ANKEF1: variants seen among roughly 807,000 people sequenced by gnomAD.
The protein encoded by ANKEF1 is ankyrin repeat and EF-hand domain-containing protein 1.
In ANKEF1, 43 loss-of-function variants were observed where a neutral mutation model predicts 65.1. The observed-to-expected ratio is 0.66, with a 90% CI of 0.52 to 0.85. ANKEF1 has a LOEUF of 0.85. Ranked by LOEUF, ANKEF1 falls within the 40% of genes least tolerant of loss-of-function variation. ANKEF1 has a pLI of 0.00. For missense variants in ANKEF1, 934 were observed against 952.9 expected (o/e 0.98, Z 0.26); for synonymous variants, 316 against 341.5 (o/e 0.93, Z 0.82).
Position 10,054,566 on chromosome 20 carries a change from T to C in ANKEF1, c.2139T>C (p.Thr713=). The change falls in exon 10 of 11, where the codon ACT becomes ACC. Residue 713 remains threonine, a synonymous_variant. Transcript: ENST00000378392. The part of the protein sequence containing the change: ...HLNSLITSGY[T]KKVDITFIPR... ...ATTCATTGATTACCAGTGGTTATAC[T>C]AAGAAAGTGGATATCACATTTATTC... 1 of 1,609,274 alleles carries C rather than the reference T, an allele frequency of 6.2e-7. No individual in the cohort carries two copies. The highest frequency in any genetic ancestry group is 8.5e-7 in the Non-Finnish European group (1 of 1,178,234).
In ANKEF1 at chr20:10,056,940, A is replaced by G. The variant is rs1985208325; in HGVS notation, c.*1280A>G. The G allele has an allele frequency of 6.6e-6, 1 of 152,196 alleles. No individual in the cohort carries two copies. Among genetic ancestry groups the G allele is most frequent in the Non-Finnish European group, 1.5e-5 (1 of 68,038 alleles). The allele number at this position is 152,196 out of a possible 1,614,324, so 9.4% of individuals were successfully genotyped here. The stretch of plus-strand genomic sequence containing the variant: ...GTATTTGATTGAGTTACTGGGTGCT[A>G]CAACCTAGCCAAGTTGAGTCATAAA... On this transcript the variant is annotated 3_prime_UTR_variant, in exon 11 of 11. Transcript: ENST00000378392.
At chr20:10,037,342 C>G (rs1983920914) in intron 2 of ANKEF1, among the ~76,000 whole-genome samples, 1 of 152,122 alleles carries the variant, frequency 6.6e-6, no homozygotes, top group African/African-American at 2.4e-5. Context: ...GCTACCTGCG[C>G]CCCAGCCCCA....
rs1189561716 is a variant in ANKEF1 at position 10,054,454 on chromosome 20, G to T, written c.2035-8G>T. 3.3e-6 allele frequency: 5 copies of T among 1,523,086 alleles called. No homozygotes were observed. The highest frequency in any genetic ancestry group is 2.5e-5 in the Admixed American group (1 of 39,828). The allele number at this position is 1,523,086 out of a possible 1,614,324, so 94.3% of individuals were successfully genotyped here. On this transcript the variant is annotated splice_polypyrimidine_tract_variant and splice_region_variant and intron_variant, in intron 9 of 10. Coordinates refer to ENST00000378392, the MANE Select transcript of ANKEF1 (RefSeq NM_022096.6). ...TACAATTTATAATTTTTTTGTTCTT[G>T]TTTCCAGGAACTGCTGTCATCAATT...
chr20:10,041,420 A>G (rs1480482897), intron 3 of ANKEF1, among the ~76,000 whole-genome samples: 1 of 152,054 alleles, frequency 6.6e-6, no homozygotes, highest in East Asian at 1.9e-4. Flanking sequence ...GATTAGTACA[A>G]TAGTATAAAT....
Position 10,051,703 on chromosome 20 carries a change from C to A in ANKEF1, c.1684C>A (p.Leu562Ile). The A allele has an allele frequency of 6.2e-7, 1 of 1,613,774 alleles. No individual in the cohort carries two copies. The highest frequency in any genetic ancestry group is 8.5e-7 in the Non-Finnish European group (1 of 1,179,810). The change falls in exon 8 of 11, where the codon CTT becomes ATT. Residue 562 changes from leucine to isoleucine, a missense_variant. Physicochemically the swap from Leu to Ile is conservative, Grantham distance 5. Transcript: ENST00000378392. ...NATDNFLWTP[L>I]HFACHAGQQD... ...AACAGATAACTTTCTGTGGACTCCACTTCATTTTGCATGCCATGCAGGCCA... is the reference window on the plus strand; with the variant it reads ...AACAGATAACTTTCTGTGGACTCCAATTCATTTTGCATGCCATGCAGGCCA...
chr20:10,043,074 A>C, intron 3 of ANKEF1, 48 bp from the exon 4 acceptor site: 1 of 1,560,338 alleles, frequency 6.4e-7, no homozygotes, highest in South Asian at 1.2e-5. Context: ...CTTCCTGTCA[A>C]ATATGTATAG....
intron 7 of ANKEF1, 83 bp from the exon 8 acceptor site, chr20:10,051,578 ACT>A: frequency 9.7e-7 from 1 of 1,036,200 alleles, no homozygotes. Flanking sequence ...ACTTGATAGA[ACT>A]CTATGAAATC....
chr20:10,050,329 TAAG>T (rs895995077), intron 7 of ANKEF1, 117 bp downstream of exon 7: 64 of 766,734 alleles, frequency 8.3e-5, no homozygotes, highest in Admixed American at 3.7e-4. Context: ...AAGTCTATAA[TAAG>T]GCTTTAATAT....
At chr20:10,043,500 C>G (rs974211341) in intron 4 of ANKEF1, among the ~76,000 whole-genome samples, 179 bp downstream of exon 4, 11 of 151,866 alleles carry the variant, frequency 7.2e-5, no homozygotes, top group Admixed American at 6.6e-4. Flanking sequence ...CAGTCTGTTT[C>G]CTAATTATGT....
intron 3 of ANKEF1, 118 bp from the exon 4 acceptor site, chr20:10,043,004 G>GA: frequency 1.0e-6 from 1 of 964,758 alleles, no homozygotes; most frequent in Non-Finnish European, 1.5e-6. Context: ...TTTCAGAGAG[G>GA]AAACTGAGGC....
intron 6 of ANKEF1, among the ~76,000 whole-genome samples, chr20:10,046,757 G>A (rs1984545506): frequency 6.6e-6 from 1 of 152,100 alleles, no homozygotes; most frequent in African/African-American, 2.4e-5. Flanking sequence ...CTATAATAGA[G>A]CAAAGAAAGT....
At chr20:10,043,081 A>G (rs1984285107) in intron 3 of ANKEF1, 41 bp from the exon 4 acceptor site, 4 of 1,579,822 alleles carry the variant, frequency 2.5e-6, no homozygotes, top group Non-Finnish European at 8.7e-7. Context: ...TCAAATATGT[A>G]TAGATGTTAA....
chr20:10,036,530 C>T (rs1983868516), intron 2 of ANKEF1, among the ~76,000 whole-genome samples: 1 of 152,204 alleles, frequency 6.6e-6, no homozygotes, highest in African/African-American at 2.4e-5. Flanking sequence ...TAGTCCACCG[C>T]ATGTTATAAA....
intron 3 of ANKEF1, among the ~76,000 whole-genome samples, chr20:10,042,710 A>G (rs2082587780): frequency 6.6e-6 from 1 of 152,206 alleles, no homozygotes; most frequent in Non-Finnish European, 1.5e-5. Context: ...TACACATTTC[A>G]TCACCCAGTA....
chr20:10,046,100 G>A (rs1299103231), intron 6 of ANKEF1, among the ~76,000 whole-genome samples: 3 of 152,066 alleles, frequency 2.0e-5, no homozygotes, highest in South Asian at 2.1e-4. Flanking sequence ...GCAAAACCGC[G>A]CCTCTACTAA....
intron 6 of ANKEF1, 124 bp downstream of exon 6, chr20:10,045,821 T>C (rs1984490101): frequency 1.1e-6 from 1 of 888,302 alleles, no homozygotes; most frequent in Middle Eastern, 2.7e-4. Context: ...ACCTCACTCA[T>C]ATGTAGAAAG....
chr20:10,041,216 T>G (rs920324938), intron 3 of ANKEF1, among the ~76,000 whole-genome samples: 1 of 151,924 alleles, frequency 6.6e-6, no homozygotes, highest in African/African-American at 2.4e-5. Context: ...TGTTTTACTT[T>G]GCTGTATATG....
In ANKEF1 at chr20:10,052,517, T is replaced by C. The variant is rs4321435; in HGVS notation, c.1871-595T>C. Among the ~76,000 whole-genome samples the C allele has an allele frequency of 4.1e-3, 621 of 152,278 alleles. 6 individuals are homozygous for C. Among genetic ancestry groups the C allele is most frequent in the African/African-American group, 0.014 (594 of 41,560 alleles). On this transcript the variant is annotated intron_variant, in intron 8 of 10. Transcript: ENST00000378392. Reference sequence around the variant, plus strand: ...AAAAATCATTTGAATATATTTGAGCTCCTTGTTTGGAAGTACCATTTTCCT... The same window carrying C: ...AAAAATCATTTGAATATATTTGAGCCCCTTGTTTGGAAGTACCATTTTCCT...
At chr20:10,035,914 T>C (rs946472467) in intron 2 of ANKEF1, among the ~76,000 whole-genome samples, 3 of 152,226 alleles carry the variant, frequency 2.0e-5, no homozygotes, top group Non-Finnish European at 4.4e-5. Flanking sequence ...CATTCTGCTC[T>C]ATTCCACTAC....
Sources: gnomAD v4.1 joint callset for allele counts (sites outside exome capture counted in the v4.1 genomes callset) on GRCh38, gnomAD v4.1.1 for gene constraint, MANE v1.5 for transcripts, NCBI Gene and HGNC (gene_info 2026-07-23, HGNC 2026-07-21) for gene names.